The following EEPD1 variants were observed in gnomAD, a reference collection of about 807,000 sequenced individuals.
The protein encoded by EEPD1 is endonuclease/exonuclease/phosphatase family domain-containing protein 1.
A neutral mutation model predicts 46.3 loss-of-function variants in EEPD1; 17 were observed. The ratio of observed to expected loss-of-function variants is 0.37; its 90% CI spans 0.25 to 0.55. EEPD1 has a LOEUF of 0.55. Ranked by LOEUF, EEPD1 falls within the 20% of genes least tolerant of loss-of-function variation. EEPD1 has a pLI of 0.83. For missense variants in EEPD1, 673 were observed against 745.6 expected, an observed-to-expected ratio of 0.90 and a Z score of 1.13; for synonymous variants, 313 against 315.6, an observed-to-expected ratio of 0.99 and a Z score of 0.09.
At chr7:36,274,823 C>T (rs1408571279) in intron 3 of EEPD1, among the ~76,000 whole-genome samples, 1 of 152,194 alleles carries the variant, frequency 6.6e-6, no homozygotes, top group Non-Finnish European at 1.5e-5. Context: ...CATACGCAAG[C>T]TCCTGGCACG....
intron 2 of EEPD1, among the ~76,000 whole-genome samples, chr7:36,214,192 T>C (rs1382932407): frequency 1.3e-5 from 2 of 152,152 alleles, no homozygotes; most frequent in East Asian, 3.9e-4. Flanking sequence ...GTGGGTTCAC[T>C]GGTCTTGGGA....
chr7:36,200,909 G>A (rs1027948312), intron 2 of EEPD1, among the ~76,000 whole-genome samples: 5 of 152,132 alleles, frequency 3.3e-5, no homozygotes, highest in Non-Finnish European at 5.9e-5. Flanking sequence ...TCACAAAGGG[G>A]CAAACAGCAA....
rs1377379513 is a variant in EEPD1 at position 36,197,240 on chromosome 7, T to TG, written c.879-41738dup. On this transcript the variant is annotated intron_variant, in intron 2 of 7. Transcript: ENST00000242108. ...GCAGCCACCCCGTCCGGGAGGGAGG[T>TG]GGGGGGGTCAGGCCCCCGCCCGGGC... 3.1e-3 allele frequency among the ~76,000 whole-genome samples: 418 copies of TG among 134,402 alleles called. 5 individuals are homozygous for TG. Among genetic ancestry groups the TG allele is most frequent in the African/African-American group, 0.011 (389 of 33,850 alleles). 88.2% of individuals were successfully genotyped at this position (134,402 alleles called of 152,430 possible). A position where few individuals can be genotyped will look rare whatever the true frequency, so the allele number is the denominator to read the frequency against.
In EEPD1 at chr7:36,247,813, A is replaced by T. The variant is rs188806833; in HGVS notation, c.930+8777A>T. ...GGACGATCCTATCTCCGCATTTCCCAGGAGTGGGAGCAGGTCCATAGGATC... is the reference window on the plus strand; with the variant it reads ...GGACGATCCTATCTCCGCATTTCCCTGGAGTGGGAGCAGGTCCATAGGATC... On this transcript the variant is annotated intron_variant, in intron 3 of 7. Transcript: ENST00000242108. Among the ~76,000 whole-genome samples, 154 of 152,320 alleles carry T rather than the reference A, an allele frequency of 1.0e-3. 1 individual carries two copies. Among genetic ancestry groups the T allele is most frequent in the Middle Eastern group, 6.8e-3 (2 of 294 alleles).
intron 2 of EEPD1, among the ~76,000 whole-genome samples, chr7:36,191,103 C>T (rs1464783648): frequency 6.6e-6 from 1 of 152,196 alleles, no homozygotes; most frequent in Non-Finnish European, 1.5e-5. Flanking sequence ...TTAGAAGTGA[C>T]CACACTGGTA....
rs1403480142 is a variant in EEPD1, at chr7:36,301,029, C to CGGATGT, written c.*1824_*1829dup. ...TGAAACCTCCCCTACATTCACCAGCCGGATGTCCCAAATCCCTTTAGCCAG... is the reference window on the plus strand; with the variant it reads ...TGAAACCTCCCCTACATTCACCAGCCGGATGTGGATGTCCCAAATCCCTTTAGCCAG... On this transcript the variant is annotated 3_prime_UTR_variant, in exon 8 of 8. Transcript: ENST00000242108. 1 of 152,246 alleles carries CGGATGT rather than the reference C, an allele frequency of 6.6e-6. No individual in the cohort carries two copies. The highest frequency in any genetic ancestry group is 1.5e-5 in the Non-Finnish European group (1 of 68,066). 9.4% of individuals were successfully genotyped at this position (152,246 alleles called of 1,614,324 possible).
intron 3 of EEPD1, among the ~76,000 whole-genome samples, chr7:36,248,314 AC>A (rs1348248955): frequency 1.3e-5 from 2 of 148,828 alleles, no homozygotes; most frequent in African/African-American, 5.0e-5. Context: ...AAGCGATTTT[AC>A]CCCCCTCAGC....
intron 2 of EEPD1, among the ~76,000 whole-genome samples, chr7:36,172,134 T>G (rs1785096035): frequency 6.6e-6 from 1 of 152,198 alleles, no homozygotes; most frequent in Admixed American, 6.5e-5. Context: ...CACTGGTTTT[T>G]GTCCACGATT....
chr7:36,159,176 G>A (rs1008409721), intron 2 of EEPD1, among the ~76,000 whole-genome samples: 2 of 152,222 alleles, frequency 1.3e-5, no homozygotes, highest in African/African-American at 2.4e-5. Context: ...AATGTCTGCT[G>A]TGTGCATATA....
chr7:36,182,147 C>A (rs951038468), intron 2 of EEPD1, among the ~76,000 whole-genome samples: 1 of 152,182 alleles, frequency 6.6e-6, no homozygotes, highest in African/African-American at 2.4e-5. Flanking sequence ...TCCACTTAGA[C>A]TGTAGTCCAG....
At chr7:36,270,869 G>A (rs1174614372) in intron 3 of EEPD1, among the ~76,000 whole-genome samples, 1 of 152,114 alleles carries the variant, frequency 6.6e-6, no homozygotes, top group East Asian at 1.9e-4. Context: ...AGATCCTTGA[G>A]GAATCGCCAC....
Position 36,254,510 on chromosome 7 carries a change from C to A in EEPD1, c.930+15474C>A, listed in dbSNP as rs547202497. On this transcript the variant is annotated intron_variant, in intron 3 of 7. Transcript: ENST00000242108. The stretch of plus-strand genomic sequence containing the variant: ...CCATGGTATATATGTGCCACGTTTT[C>A]TTTGTCCAGTCTATCATTGATGGGC... Among the ~76,000 whole-genome samples, 106 of 152,176 alleles carry A rather than the reference C, an allele frequency of 7.0e-4. 2 individuals carry two copies. The highest frequency in any genetic ancestry group is 1.0e-3 in the Non-Finnish European group (70 of 68,032).
At chr7:36,276,988 C>G (rs532759052) in intron 3 of EEPD1, among the ~76,000 whole-genome samples, 2 of 152,212 alleles carry the variant, frequency 1.3e-5, no homozygotes, top group Non-Finnish European at 2.9e-5. Context: ...GCTGCTTTTA[C>G]GTAAGAGTAT....
chr7:36,293,512 A>G (rs186270618), intron 6 of EEPD1, among the ~76,000 whole-genome samples: 1,738 of 152,300 alleles, frequency 0.011, 8 homozygotes, highest in Non-Finnish European at 0.016. Context: ...TCAAGCATTA[A>G]TATTTTTATG....
At chr7:36,188,753 C>T (rs1296624633) in intron 2 of EEPD1, among the ~76,000 whole-genome samples, 1 of 151,740 alleles carries the variant, frequency 6.6e-6, no homozygotes, top group Non-Finnish European at 1.5e-5. Flanking sequence ...GGGTGGTTTG[C>T]ATTAAAAAAA....
At chr7:36,236,403 G>A (rs1786441631) in intron 2 of EEPD1, among the ~76,000 whole-genome samples, 1 of 152,232 alleles carries the variant, frequency 6.6e-6, no homozygotes, top group Non-Finnish European at 1.5e-5. Flanking sequence ...CTTGATCGGA[G>A]GCTGAATCCC....
intron 2 of EEPD1, among the ~76,000 whole-genome samples, chr7:36,185,813 G>T (rs1054955015): frequency 1.3e-5 from 2 of 152,210 alleles, no homozygotes; most frequent in African/African-American, 4.8e-5. Context: ...CATTTGGCGT[G>T]TCGGTAAGCT....
Position 36,299,380 on chromosome 7 carries a change from G to A in EEPD1, c.*174G>A, listed in dbSNP as rs1787581255. 1.2e-6 allele frequency: 1 copy of A among 816,576 alleles called. No individual in the cohort carries two copies. The highest frequency in any genetic ancestry group is 1.9e-6 in the Non-Finnish European group (1 of 534,410). 50.6% of individuals were successfully genotyped at this position (816,576 alleles called of 1,614,324 possible). On this transcript the variant is annotated 3_prime_UTR_variant, in exon 8 of 8. Transcript: ENST00000242108. ...GGACCATTCAGGACCTCCAGTGGGG[G>A]TGGCGTGCCAGGCGCGTACCCCACC... is the stretch of plus-strand genomic sequence containing the variant.
intron 2 of EEPD1, among the ~76,000 whole-genome samples, chr7:36,190,486 C>G (rs1785443337): frequency 6.6e-6 from 1 of 152,212 alleles, no homozygotes; most frequent in South Asian, 2.1e-4. Context: ...CATAATCAGA[C>G]AAAAATCAAC....
Sources: gnomAD v4.1 joint callset for allele counts (sites outside exome capture counted in the v4.1 genomes callset) on GRCh38, gnomAD v4.1.1 for gene constraint, MANE v1.5 for transcripts, NCBI Gene and HGNC (gene_info 2026-07-23, HGNC 2026-07-21) for gene names.